Variants in ZSCAN5A observed in about 807,000 individuals in gnomAD.
The protein encoded by ZSCAN5A is zinc finger and SCAN domain containing 5A, also known as zinc finger and SCAN domain-containing protein 5A.
ZSCAN5A carries 12 observed loss-of-function variants against 23.7 expected under a neutral mutation model. The observed-to-expected ratio is 0.51, with a 90% CI of 0.32 to 0.82. ZSCAN5A has a LOEUF of 0.82. Among genes scored for constraint, ZSCAN5A ranks in the 40% least tolerant of loss-of-function variants. The pLI, the probability that ZSCAN5A is intolerant of heterozygous loss-of-function variation, is 0.03. For synonymous variants in ZSCAN5A, 257 were observed against 239.9 expected (o/e 1.07, Z -0.66); for missense variants, 597 against 617.9 (o/e 0.97, Z 0.36).
At chr19:56,362,542 G>T (rs1393219034) in intron 2 of ZSCAN5A, among the ~76,000 whole-genome samples, 1 of 151,716 alleles carries the variant, frequency 6.6e-6, no homozygotes, top group African/African-American at 2.4e-5. Flanking sequence ...AGGCAACAGA[G>T]TGAGGCTCCA....
At chr19:56,318,134 TG>T (rs2041336894), upstream of ZSCAN5A, 3 of 147,956 alleles carry the variant, frequency 2.0e-5, no homozygotes, top group African/African-American at 7.4e-5. Context: ...TGTGTGTGTG[TG>T]AGAGTTGTGT....
intron 2 of ZSCAN5A, among the ~76,000 whole-genome samples, chr19:56,330,945 C>T (rs987332662): frequency 2.0e-5 from 3 of 152,136 alleles, no homozygotes; most frequent in African/African-American, 7.2e-5. Context: ...TGAGGTCTTA[C>T]ATTTAAATCT....
chr19:56,343,170 T>A (rs748529539), intron 2 of ZSCAN5A: 32 of 722,356 alleles, frequency 4.4e-5, no homozygotes, highest in Non-Finnish European at 7.4e-5. Flanking sequence ...CTAATTGCTT[T>A]ATTGAAACTA....
rs1251215101 is a variant in ZSCAN5A, at chr19:56,278,825, C to G, written c.-128+34458G>C. ...CCCAAAAGCTGGAGTACCTGGAGTTCTGACATCCAAAGCCAGGAGAAGGGC... is the reference window on the plus strand; with the variant it reads ...CCCAAAAGCTGGAGTACCTGGAGTTGTGACATCCAAAGCCAGGAGAAGGGC... On this transcript the variant is annotated intron_variant, in intron 2 of 5. Coordinates refer to ENST00000683990, the MANE Select transcript of ZSCAN5A (RefSeq NM_001322064.3). Among the ~76,000 whole-genome samples, 2 of 152,184 alleles carry G rather than the reference C, an allele frequency of 1.3e-5. 1 individual carries two copies.
intron 2 of ZSCAN5A, among the ~76,000 whole-genome samples, chr19:56,277,544 G>T (rs182934382): frequency 6.6e-6 from 1 of 151,812 alleles, no homozygotes; most frequent in Non-Finnish European, 1.5e-5. Flanking sequence ...AGGGGTGGGG[G>T]AATTTAGAGA....
chr19:56,247,427 G>A (rs994116888), intron 2 of ZSCAN5A: 10 of 173,126 alleles, frequency 5.8e-5, no homozygotes, highest in Admixed American at 1.8e-4. Context: ...GCCTTTCGTC[G>A]GCCTGAAACG....
intron 1 of ZSCAN5A, chr19:56,367,968 A>G (rs1430467621): frequency 6.6e-6 from 1 of 152,370 alleles, no homozygotes; most frequent in Non-Finnish European, 1.5e-5. Flanking sequence ...ATGTATTATC[A>G]TAGGCCCTTC....
chr19:56,363,930 GA>G (rs1323754967), intron 1 of ZSCAN5A, among the ~76,000 whole-genome samples: 2 of 152,176 alleles, frequency 1.3e-5, no homozygotes, highest in African/African-American at 4.8e-5. Context: ...TGGTAGAAGA[GA>G]AAAGCCTATT....
chr19:56,293,408 C>G (rs58730731), intron 2 of ZSCAN5A, among the ~76,000 whole-genome samples: 1 of 152,086 alleles, frequency 6.6e-6, no homozygotes, highest in Non-Finnish European at 1.5e-5. Context: ...CTCAGACTAA[C>G]GAGGTCCCTG....
intron 2 of ZSCAN5A, among the ~76,000 whole-genome samples, chr19:56,225,742 G>T (rs1482727806): frequency 1.3e-5 from 2 of 152,078 alleles, no homozygotes; most frequent in African/African-American, 4.8e-5. Context: ...TCAAGTTCAC[G>T]ATTTTATGGG....
At chr19:56,320,099 A>T (rs76634932) in intron 2 of ZSCAN5A, 11,094 of 769,542 alleles carry the variant, frequency 0.014, 237 homozygotes, top group East Asian at 0.076. Context: ...TGAAGGCAGT[A>T]GGCTAATTTC....
intron 2 of ZSCAN5A, chr19:56,342,492 A>G (rs373209447): frequency 3.0e-5 from 12 of 398,838 alleles, no homozygotes; most frequent in African/African-American, 8.8e-5. Context: ...GTGGGCTGGA[A>G]CAGTAAGCAC....
chr19:56,363,237 C>A (rs1320460608), exon 2 of ZSCAN5A: 2 of 152,246 alleles, frequency 1.3e-5, no homozygotes, highest in Non-Finnish European at 2.9e-5. Flanking sequence ...ACACTCACCT[C>A]TATTACTCAG....
intron 2 of ZSCAN5A, among the ~76,000 whole-genome samples, chr19:56,302,617 TCCTCCCTC>T (rs1357109603): frequency 2.9e-5 from 3 of 101,842 alleles, no homozygotes; most frequent in Non-Finnish European, 5.7e-5. Context: ...CTCTCCCTCT[TCCTCCCTC>T]CCTCCTCCTC....
At chr19:56,270,122 G>A (rs970190522) in intron 2 of ZSCAN5A, among the ~76,000 whole-genome samples, 3 of 148,638 alleles carry the variant, frequency 2.0e-5, no homozygotes, top group African/African-American at 7.5e-5. Context: ...ATAGACATGA[G>A]TGGATCTCAC....
At chr19:56,310,290 C>T (rs1198309083) in intron 2 of ZSCAN5A, 2 of 152,164 alleles carry the variant, frequency 1.3e-5, no homozygotes, top group Non-Finnish European at 1.5e-5. Context: ...ACCTGGGTGC[C>T]CAGAGGCATG....
intron 2 of ZSCAN5A, among the ~76,000 whole-genome samples, chr19:56,227,740 G>A (rs1316919457): frequency 6.6e-6 from 1 of 152,076 alleles, no homozygotes; most frequent in Non-Finnish European, 1.5e-5. Flanking sequence ...TGTGCAAAGG[G>A]AAAATCCAGC....
At chr19:56,347,277 G>A (rs974437279) in intron 2 of ZSCAN5A, 10 of 152,230 alleles carry the variant, frequency 6.6e-5, no homozygotes, top group African/African-American at 1.9e-4. Context: ...GAAAGCAAAC[G>A]GTTCCAGGTG....
intron 2 of ZSCAN5A, chr19:56,342,690 A>AGTAACTATACATC (rs2041603050): frequency 1.6e-6 from 1 of 613,566 alleles, no homozygotes; most frequent in Non-Finnish European, 3.0e-6. Context: ...GTGAACATGA[A>AGTAACTATACATC]GTAACTATAC....
Sources: allele counts gnomAD v4.1 joint callset (sites outside exome capture counted in the v4.1 genomes callset), GRCh38; gene constraint gnomAD v4.1.1; transcripts MANE v1.5; gene names NCBI Gene and HGNC (gene_info 2026-07-23, HGNC 2026-07-21).